Variants in GREB1L observed in about 807,000 individuals in gnomAD.
GREB1L encodes the protein GREB1 like retinoic acid receptor coactivator, also known as GREB1-like protein.
In GREB1L, 17 loss-of-function variants were observed where a neutral mutation model predicts 200.8. That is an observed-to-expected ratio of 0.08 (90% CI 0.06 to 0.13). The LOEUF is 0.13. Among genes scored for constraint, GREB1L ranks in the 10% least tolerant of loss-of-function variants. The pLI is 1.00. For missense variants in GREB1L, 1,657 were observed against 2,367.7 expected, an observed-to-expected ratio of 0.70 and a Z score of 6.23; for synonymous variants, 789 against 893.0, an observed-to-expected ratio of 0.88 and a Z score of 2.08.
intron 1 of GREB1L, among the ~76,000 whole-genome samples, chr18:21,326,142 A>G (rs1267093561): frequency 6.6e-6 from 1 of 152,210 alleles, no homozygotes; most frequent in Non-Finnish European, 1.5e-5. Flanking sequence ...AGATTTGTTC[A>G]TAGTTGTTTT....
chr18:21,443,572 A>G (rs929872330), intron 10 of GREB1L, among the ~76,000 whole-genome samples: 12 of 152,234 alleles, frequency 7.9e-5, no homozygotes, highest in Non-Finnish European at 2.9e-5. Context: ...ACTTTATCAG[A>G]AATATTTTAT....
intron 27 of GREB1L, among the ~76,000 whole-genome samples, chr18:21,509,832 G>A (rs138624837): frequency 1.7e-3 from 264 of 151,856 alleles, no homozygotes; most frequent in African/African-American, 5.9e-3. Context: ...AATAATTTGG[G>A]GAGAATGAAG....
intron 19 of GREB1L, among the ~76,000 whole-genome samples, chr18:21,493,138 T>C (rs552708337): frequency 6.6e-6 from 1 of 152,330 alleles, no homozygotes; most frequent in African/African-American, 2.4e-5. Context: ...ATCAACCTCC[T>C]TCACCATTTT....
intron 11 of GREB1L, among the ~76,000 whole-genome samples, chr18:21,447,929 T>C (rs772830372): frequency 1.6e-4 from 25 of 151,952 alleles, no homozygotes; most frequent in Non-Finnish European, 3.2e-4. Flanking sequence ...TTTGGGAGGC[T>C]GAATAGGGTG....
intron 23 of GREB1L, among the ~76,000 whole-genome samples, chr18:21,504,794 A>G (rs763483248): frequency 4.6e-5 from 7 of 152,006 alleles, no homozygotes; most frequent in Non-Finnish European, 7.4e-5. Context: ...TAATCTGGGG[A>G]CTCAGGGTTA....
At chr18:21,445,471 T>C (rs934254872) in intron 11 of GREB1L, among the ~76,000 whole-genome samples, 4 of 150,274 alleles carry the variant, frequency 2.7e-5, no homozygotes, top group Admixed American at 6.6e-5. Flanking sequence ...TGAAACTCCA[T>C]CTCAAAAAAA....
At chr18:21,334,835 C>T (rs1262913265) in intron 1 of GREB1L, among the ~76,000 whole-genome samples, 1 of 151,758 alleles carries the variant, frequency 6.6e-6, no homozygotes, top group Non-Finnish European at 1.5e-5. Context: ...GATGAATTAA[C>T]CTTTGAGAGG....
chr18:21,253,592 A>T (rs1367602268), intron 1 of GREB1L, among the ~76,000 whole-genome samples: 2 of 152,184 alleles, frequency 1.3e-5, no homozygotes, highest in Non-Finnish European at 2.9e-5. Context: ...CGAATATACC[A>T]CATTTAGAGA....
rs940502521 is a variant in GREB1L, at chr18:21,440,324, G to C, written c.1005G>C (p.Gly335=). Residue 335 remains glycine, a synonymous_variant, in exon 9 of 33, where the codon GGG becomes GGC. Transcript: ENST00000424526. ...AACGACACCGGGGATGGTATCCTGGGTCACCTCTCCCCCAACCTGGCTTAG... is the reference window on the plus strand; with the variant it reads ...AACGACACCGGGGATGGTATCCTGGCTCACCTCTCCCCCAACCTGGCTTAG... ...PKKRHRGWYP[G]SPLPQPGLVV... is the part of the protein sequence containing the mutation. 63 of 1,551,500 alleles carry C rather than the reference G, an allele frequency of 4.1e-5. No individual in the cohort carries two copies. The highest frequency in any genetic ancestry group is 5.3e-5 in the Non-Finnish European group (61 of 1,146,862).
intron 16 of GREB1L, among the ~76,000 whole-genome samples, chr18:21,475,784 T>C (rs2035666826): frequency 6.6e-6 from 1 of 151,706 alleles, no homozygotes; most frequent in Non-Finnish European, 1.5e-5. Context: ...CTGGCCAACA[T>C]GGTGAAACCC....
chr18:21,435,992 A>G (rs1041151420), intron 7 of GREB1L, among the ~76,000 whole-genome samples: 1 of 152,066 alleles, frequency 6.6e-6, no homozygotes, highest in African/African-American at 2.4e-5. Context: ...TTAGAGAACT[A>G]CTCGGGAAGT....
chr18:21,260,356 G>T (rs1193209192), intron 1 of GREB1L, among the ~76,000 whole-genome samples: 1 of 151,618 alleles, frequency 6.6e-6, no homozygotes, highest in African/African-American at 2.4e-5. Flanking sequence ...TACCTGATTT[G>T]TGGACCATCA....
intron 1 of GREB1L, among the ~76,000 whole-genome samples, chr18:21,345,197 T>G (rs1446491639): frequency 1.3e-5 from 2 of 152,330 alleles, no homozygotes; most frequent in Non-Finnish European, 2.9e-5. Flanking sequence ...TCCATTTGGT[T>G]GTTTCACAGC....
intron 1 of GREB1L, among the ~76,000 whole-genome samples, chr18:21,329,607 CT>C (rs1297330151): frequency 1.3e-5 from 2 of 152,120 alleles, no homozygotes; most frequent in Non-Finnish European, 2.9e-5. Context: ...ACGCACCTGG[CT>C]TTGAGCAGCA....
intron 1 of GREB1L, chr18:21,316,755 A>G (rs2038874832): frequency 7.2e-6 from 1 of 139,718 alleles, no homozygotes; most frequent in Non-Finnish European, 1.5e-5. Context: ...ATTTATGACT[A>G]TGTCTTTTTT....
At chr18:21,296,153 T>G (rs1011436029) in intron 1 of GREB1L, among the ~76,000 whole-genome samples, 6 of 152,106 alleles carry the variant, frequency 3.9e-5, no homozygotes, top group African/African-American at 1.4e-4. Context: ...CTATTCACAA[T>G]AGCAAAGACA....
chr18:21,244,458 A>G (rs1004624664), intron 1 of GREB1L, among the ~76,000 whole-genome samples: 9 of 152,146 alleles, frequency 5.9e-5, no homozygotes, highest in African/African-American at 1.9e-4. Flanking sequence ...ATTTGCCACA[A>G]ACCCGCCACA....
At chr18:21,326,340 A>G (rs1567937860) in intron 1 of GREB1L, among the ~76,000 whole-genome samples, 1 of 152,198 alleles carries the variant, frequency 6.6e-6, no homozygotes, top group Non-Finnish European at 1.5e-5. Context: ...AAGAGCTAAG[A>G]AATAGTAGAT....
chr18:21,504,348 C>T lies in GREB1L; in HGVS notation c.4073-1064C>T, dbSNP rs187370384. On this transcript the variant is annotated intron_variant, in intron 23 of 32. Coordinates refer to ENST00000424526, the MANE Select transcript of GREB1L (RefSeq NM_001142966.3). ...GCTAGAAGTCTGAGATCAGCCTGAG[C>T]AGCAGGGAGACCCCATCTCTCACAA... 2.4e-4 allele frequency among the ~76,000 whole-genome samples: 37 copies of T among 152,292 alleles called. 1 individual carries two copies. The highest frequency in any genetic ancestry group is 4.6e-4 in the Non-Finnish European group (31 of 68,034).
Sources: gnomAD v4.1 joint callset for allele counts (sites outside exome capture counted in the v4.1 genomes callset) on GRCh38, gnomAD v4.1.1 for gene constraint, MANE v1.5 for transcripts, NCBI Gene and HGNC (gene_info 2026-07-23, HGNC 2026-07-21) for gene names.